Variants in ATP13A5 observed in about 807,000 individuals in gnomAD.
ATP13A5 encodes probable cation-transporting ATPase 13A5.
Under a neutral mutation model 150.2 loss-of-function variants are expected in ATP13A5, and 149 were observed. The observed-to-expected ratio is 0.99, with a 90% CI of 0.87 to 1.14. The LOEUF (loss-of-function observed/expected upper bound fraction) is 1.14. ATP13A5 is among the 50% of genes most tolerant of loss of function. The pLI is 0.00. For synonymous variants in ATP13A5, 497 were observed against 522.2 expected (o/e 0.95, Z 0.66); for missense variants, 1,383 against 1,449.3 (o/e 0.95, Z 0.74).
intron 3 of ATP13A5, 133 bp from the exon 4 acceptor site, chr3:193,362,770 TTTCTTTCTTTCTTTC>T (rs1442769575): frequency 1.5e-5 from 5 of 326,546 alleles, no homozygotes; most frequent in African/African-American, 3.0e-5. Flanking sequence ...TCTTTCTTTC[TTTCTTTCTTTCTTTC>T]TTTCTTTCTT....
intron 21 of ATP13A5, 99 bp downstream of exon 21, chr3:193,310,539 G>T: frequency 3.4e-6 from 3 of 893,504 alleles, no homozygotes; most frequent in South Asian, 3.7e-5. Flanking sequence ...TGTTATTTTT[G>T]ACTTTTTAAT....
chr3:193,334,042 G>T (rs1711750344), intron 10 of ATP13A5, 135 bp from the exon 11 acceptor site: 1 of 798,810 alleles, frequency 1.3e-6, no homozygotes, highest in Admixed American at 3.2e-5. Flanking sequence ...AAGTTTTCAG[G>T]TGGTTTTCAT....
intron 9 of ATP13A5, among the ~76,000 whole-genome samples, chr3:193,337,223 C>A (rs555397671): frequency 3.9e-5 from 6 of 152,286 alleles, no homozygotes; most frequent in Non-Finnish European, 8.8e-5. Context: ...TTTTGCTGTG[C>A]AGAAGCTCTT....
intron 6 of ATP13A5, 152 bp downstream of exon 6, chr3:193,353,975 G>A: frequency 3.4e-6 from 2 of 593,454 alleles, no homozygotes; most frequent in Non-Finnish European, 2.8e-6. Flanking sequence ...GAATTTTAAA[G>A]TAAACCTGAG....
intron 3 of ATP13A5, 51 bp from the exon 4 acceptor site, chr3:193,362,688 C>G: frequency 6.4e-7 from 1 of 1,554,666 alleles, no homozygotes; most frequent in South Asian, 1.1e-5. Flanking sequence ...ATAAAGCTCA[C>G]TGGGAGAGGG....
intron 1 of ATP13A5, among the ~76,000 whole-genome samples, chr3:193,367,336 A>T (rs1249142694): frequency 1.3e-5 from 2 of 152,098 alleles, no homozygotes; most frequent in Non-Finnish European, 2.9e-5. Context: ...CAGAAAATTA[A>T]TATGCAATTT....
intron 5 of ATP13A5, 86 bp downstream of exon 5, chr3:193,362,295 A>G (rs1206695638): frequency 1.4e-5 from 16 of 1,153,834 alleles, no homozygotes; most frequent in Non-Finnish European, 2.1e-5. Context: ...ATGAAGCATT[A>G]TGCCAACAAT....
At position 193,274,960 on chromosome 3, in the gene ATP13A5, G is replaced by A; in HGVS notation, c.*82C>T. On this transcript the variant is annotated 3_prime_UTR_variant, in exon 30 of 30. Transcript: ENST00000342358. ...TTGAATGGAGAGAGGAAAGGTAAGG[G>A]GAGAGTATCATCACTTCTCCACAAT... The A allele has an allele frequency of 2.6e-6, 4 of 1,540,378 alleles. No homozygotes were observed. In the South Asian group the frequency reaches 4.9e-5, roughly 19 times the overall value.
chr3:193,355,428 C>A (rs908435092), intron 5 of ATP13A5, among the ~76,000 whole-genome samples: 4 of 152,288 alleles, frequency 2.6e-5, no homozygotes, highest in Admixed American at 1.3e-4. Context: ...GGCTTTGTAG[C>A]ATTGTCTATG....
At position 193,310,701 on chromosome 3, in the gene ATP13A5, G is replaced by C. The variant is rs1718809645; in HGVS notation, c.2462C>G (p.Thr821Arg). 5 of 1,606,918 alleles carry C rather than the reference G, an allele frequency of 3.1e-6. No homozygotes were observed. Among genetic ancestry groups the C allele is most frequent in the African/African-American group, 1.3e-5 (1 of 74,442 alleles). The change falls in exon 21 of 30, where the codon ACA becomes AGA. Residue 821 changes from threonine (T) to arginine (R), a missense_variant. This residue lies in a region of ATP13A5 where 568 missense variants were observed against 621.5 expected (regional missense o/e 0.91). Coordinates refer to ENST00000342358, the MANE Select transcript of ATP13A5 (RefSeq NM_198505.4). ...CCCAGGAGACATTCTTGCAAAAACT[G>C]TTCCATTCACCAGAATCTAAAAAGA... Reference protein sequence around the residue: ...SLLPKILVNGTVFARMSPGQK... With the variant: ...SLLPKILVNGRVFARMSPGQK...
chr3:193,346,668 A>G (rs1053175410), intron 7 of ATP13A5, among the ~76,000 whole-genome samples: 21 of 152,214 alleles, frequency 1.4e-4, no homozygotes, highest in African/African-American at 5.1e-4. Flanking sequence ...TCACCAGGCT[A>G]AGACAAGCAT....
chr3:193,296,698 A>C (rs909655732), intron 25 of ATP13A5, among the ~76,000 whole-genome samples: 6 of 152,092 alleles, frequency 3.9e-5, no homozygotes, highest in African/African-American at 1.2e-4. Context: ...ATGAATTTTA[A>C]AATAGTTTCT....
chr3:193,304,196 C>T (rs935875677), intron 23 of ATP13A5, among the ~76,000 whole-genome samples: 2 of 152,128 alleles, frequency 1.3e-5, no homozygotes, highest in Admixed American at 1.3e-4. Flanking sequence ...GAAGGAGTTA[C>T]ACGCACTCTA....
At chr3:193,359,357 G>A (rs1220715883) in intron 5 of ATP13A5, among the ~76,000 whole-genome samples, 1 of 152,090 alleles carries the variant, frequency 6.6e-6, no homozygotes, top group Non-Finnish European at 1.5e-5. Flanking sequence ...TAAGAGAGTA[G>A]GGTCTCACAG....
chr3:193,330,859 T>TA (rs1189453066), intron 12 of ATP13A5, among the ~76,000 whole-genome samples: 12 of 152,150 alleles, frequency 7.9e-5, no homozygotes, highest in African/African-American at 2.7e-4. Context: ...GAGATGGTTT[T>TA]AAAAAAACCA....
chr3:193,355,624 C>G (rs569612145), intron 5 of ATP13A5, among the ~76,000 whole-genome samples: 6 of 152,266 alleles, frequency 3.9e-5, no homozygotes, highest in African/African-American at 1.4e-4. Context: ...TCTTCTGACT[C>G]CATGCCATGA....
intron 20 of ATP13A5, 90 bp downstream of exon 20, chr3:193,311,726 C>T (rs1210237988): frequency 9.7e-6 from 15 of 1,539,036 alleles, no homozygotes; most frequent in East Asian, 4.6e-5. Flanking sequence ...GTGAGGCAAC[C>T]TCAGTGATCA....
intron 5 of ATP13A5, 29 bp from the exon 6 acceptor site, chr3:193,354,225 C>G (rs1489291438): frequency 1.3e-6 from 2 of 1,593,668 alleles, no homozygotes; most frequent in Non-Finnish European, 1.7e-6. Flanking sequence ...CCATTAGTGT[C>G]ATAGCTACAA....
chr3:193,289,818 G>T lies in ATP13A5; in HGVS notation c.3023+67C>A. ...GTTTTAGGATATATGTTCAAGCCAA[G>T]TTATGCAATGTCATTGGATATTTAT... On this transcript the variant is annotated intron_variant, in intron 26 of 29. Transcript: ENST00000342358. 3 of 1,447,440 alleles carry T rather than the reference G, an allele frequency of 2.1e-6. No individual in the cohort carries two copies. In the African/African-American group the frequency reaches 4.3e-5, roughly 21 times the overall value. 89.7% of individuals were successfully genotyped at this position (1,447,440 alleles called of 1,614,324 possible).
Sources: allele counts gnomAD v4.1 joint callset (sites outside exome capture counted in the v4.1 genomes callset), GRCh38; gene constraint gnomAD v4.1.1; regional missense constraint gnomAD v4.1.1; transcripts MANE v1.5; gene names NCBI Gene and HGNC (gene_info 2026-07-23, HGNC 2026-07-21).